ADAMTSL1: variants seen among roughly 807,000 people sequenced by gnomAD.
The protein encoded by ADAMTSL1 is ADAMTS like 1, also known as ADAMTS-like protein 1.
Under a neutral mutation model 201.8 loss-of-function variants are expected in ADAMTSL1, and 126 were observed. The ratio of observed to expected loss-of-function variants is 0.62; its 90% confidence interval spans 0.54 to 0.72. ADAMTSL1 has a LOEUF of 0.72. ADAMTSL1 is among the 30% of genes least tolerant of loss of function. ADAMTSL1 has a pLI of 0.00. For missense variants in ADAMTSL1, 2,679 were observed against 2,277.8 expected, an observed-to-expected ratio of 1.18 and a Z score of -3.59; for synonymous variants, 1,121 against 903.4, an observed-to-expected ratio of 1.24 and a Z score of -4.32.
rs186075644 is a variant in ADAMTSL1 at position 17,927,563 on chromosome 9, C to T, written c.87+20641C>T. On this transcript the variant is annotated intron_variant, in intron 1 of 29. Coordinates refer to the ADAMTSL1 transcript ENST00000680146. ...TCTGTGAATTCAAGCAACTTCAGAT[C>T]AAAATATCTAAAAACAATAAAAAAC... Among the ~76,000 whole-genome samples, 53 of 151,988 alleles carry T rather than the reference C, an allele frequency of 3.5e-4. No individual in the cohort carries two copies. The East Asian group carries it at 7.0e-3, about 20-fold the overall frequency.
intron 3 of ADAMTSL1, among the ~76,000 whole-genome samples, chr9:18,567,264 A>G (rs1564054909): frequency 6.6e-6 from 1 of 152,180 alleles, no homozygotes; most frequent in Non-Finnish European, 1.5e-5. Context: ...CAGGAGTTCA[A>G]GACCAGTCTG....
At chr9:18,688,704 A>ATATATATATATATATATATATATC (rs138160150) in intron 13 of ADAMTSL1, among the ~76,000 whole-genome samples, 17 of 72,474 alleles carry the variant, frequency 2.3e-4, no homozygotes, top group African/African-American at 6.2e-4. Flanking sequence ...ATATATATAT[A>ATATATATATATATATATATATATC]TATATGACTG....
Position 18,200,348 on chromosome 9 carries a change from A to C in ADAMTSL1, c.207+36367A>C, listed in dbSNP as rs532308335. Among the ~76,000 whole-genome samples the C allele has an allele frequency of 8.5e-5, 13 of 152,102 alleles. No homozygotes were observed. In the South Asian group the frequency reaches 2.3e-3, roughly 27 times the overall value. ...GTTTTGCTTTGATTATTATACTCTTATTCTATACTCATTTGATTCTCTTTT... is the reference window on the plus strand; with the variant it reads ...GTTTTGCTTTGATTATTATACTCTTCTTCTATACTCATTTGATTCTCTTTT... On this transcript the variant is annotated intron_variant, in intron 2 of 29. Transcript: ENST00000680146.
intron 2 of ADAMTSL1, among the ~76,000 whole-genome samples, chr9:18,260,101 T>C (rs1312858097): frequency 6.6e-6 from 1 of 152,246 alleles, no homozygotes; most frequent in Non-Finnish European, 1.5e-5. Flanking sequence ...CACACTATTA[T>C]GTATTGTTTA....
At chr9:18,606,704 T>C (rs182176144) in intron 4 of ADAMTSL1, among the ~76,000 whole-genome samples, 114 of 152,318 alleles carry the variant, frequency 7.5e-4, no homozygotes, top group Non-Finnish European at 3.7e-4. Flanking sequence ...TCACGAACTC[T>C]GTAAAACACC....
intron 11 of ADAMTSL1, 59 bp from the exon 12 acceptor site, chr9:18,681,753 G>A: frequency 7.4e-7 from 1 of 1,358,314 alleles, no homozygotes; most frequent in Non-Finnish European, 9.8e-7. Flanking sequence ...GATGGGAAGT[G>A]AAGAAAAGTA....
At chr9:18,776,353 C>G (rs1464622316) in intron 18 of ADAMTSL1, among the ~76,000 whole-genome samples, 1 of 152,220 alleles carries the variant, frequency 6.6e-6, no homozygotes, top group Non-Finnish European at 1.5e-5. Context: ...GGAAGACATT[C>G]TCCTCTCTGT....
intron 2 of ADAMTSL1, among the ~76,000 whole-genome samples, chr9:18,283,326 C>G (rs1832863925): frequency 6.6e-6 from 1 of 151,980 alleles, no homozygotes. Flanking sequence ...TATCTTTAAC[C>G]AGGTGTAGTG....
intron 2 of ADAMTSL1, among the ~76,000 whole-genome samples, chr9:18,427,068 G>A (rs774458994): frequency 3.9e-5 from 6 of 152,130 alleles, no homozygotes; most frequent in Non-Finnish European, 5.9e-5. Context: ...ATATTTTGAT[G>A]CTTCCATGAT....
chr9:18,380,433 AATAGGT>A (rs1252046877), intron 2 of ADAMTSL1, among the ~76,000 whole-genome samples: 1 of 152,216 alleles, frequency 6.6e-6, no homozygotes, highest in Non-Finnish European at 1.5e-5. Flanking sequence ...AAAATTAAGG[AATAGGT>A]ATATTTTACA....
chr9:17,950,306 CTT>C (rs1459275808), intron 1 of ADAMTSL1, among the ~76,000 whole-genome samples: 2 of 151,978 alleles, frequency 1.3e-5, no homozygotes, highest in Non-Finnish European at 1.5e-5. Flanking sequence ...CTAGAAAAAA[CTT>C]ATATACCTAC....
intron 2 of ADAMTSL1, among the ~76,000 whole-genome samples, chr9:18,323,241 A>G (rs1834696306): frequency 6.6e-6 from 1 of 152,220 alleles, no homozygotes; most frequent in African/African-American, 2.4e-5. Flanking sequence ...ACATTTGAAA[A>G]TCAATCAATG....
At chr9:18,414,167 T>C (rs569534115) in intron 2 of ADAMTSL1, among the ~76,000 whole-genome samples, 1 of 152,140 alleles carries the variant, frequency 6.6e-6, no homozygotes, top group African/African-American at 2.4e-5. Context: ...CATCACTTAA[T>C]CAATTTTAAT....
chr9:18,303,909 C>G (rs550484556), intron 2 of ADAMTSL1, among the ~76,000 whole-genome samples: 1 of 152,220 alleles, frequency 6.6e-6, no homozygotes, highest in Non-Finnish European at 1.5e-5. Flanking sequence ...CAGCCTTTCA[C>G]TTCCTCCTTT....
At chr9:18,774,074 GT>G (rs1820843225) in intron 17 of ADAMTSL1, among the ~76,000 whole-genome samples, 2 of 152,076 alleles carry the variant, frequency 1.3e-5, no homozygotes, top group African/African-American at 4.8e-5. Flanking sequence ...TTTTTTGTTT[GT>G]TTTTTAACCA....
At chr9:18,154,032 C>T (rs750935687) in intron 1 of ADAMTSL1, among the ~76,000 whole-genome samples, 1 of 152,016 alleles carries the variant, frequency 6.6e-6, no homozygotes, top group Admixed American at 6.6e-5. Flanking sequence ...TGCTAAAAGA[C>T]TGTTATTCTT....
At chr9:17,975,305 C>T (rs550253639) in intron 1 of ADAMTSL1, among the ~76,000 whole-genome samples, 1 of 151,966 alleles carries the variant, frequency 6.6e-6, no homozygotes, top group East Asian at 1.9e-4. Context: ...ATATCATAAG[C>T]TGAGTAGCTT....
intron 2 of ADAMTSL1, among the ~76,000 whole-genome samples, chr9:18,226,459 A>G (rs554236109): frequency 6.6e-6 from 1 of 152,242 alleles, no homozygotes; most frequent in East Asian, 1.9e-4. Flanking sequence ...TATCCTCTTC[A>G]TACTCTTTAT....
intron 2 of ADAMTSL1, among the ~76,000 whole-genome samples, chr9:18,464,182 C>A (rs1820914514): frequency 6.6e-6 from 1 of 152,178 alleles, no homozygotes; most frequent in Non-Finnish European, 1.5e-5. Flanking sequence ...CTCATCATCC[C>A]AAGCTTCATT....
Sources: allele counts gnomAD v4.1 joint callset (sites outside exome capture counted in the v4.1 genomes callset), GRCh38; gene constraint gnomAD v4.1.1; transcripts MANE v1.5; gene names NCBI Gene and HGNC (gene_info 2026-07-23, HGNC 2026-07-21).